FRMD4B: variants seen among roughly 807,000 people sequenced by gnomAD.
FRMD4B encodes the protein FERM domain-containing protein 4B.
FRMD4B carries 74 observed loss-of-function variants against 141.5 expected under a neutral mutation model. The observed-to-expected ratio is 0.52, with a 90% confidence interval of 0.43 to 0.63. The LOEUF (loss-of-function observed/expected upper bound fraction) is 0.63, where lower values mean the gene tolerates loss of function less well. Ranked by LOEUF, FRMD4B falls within the 30% of genes least tolerant of loss-of-function variation. The pLI, the probability that FRMD4B is intolerant of heterozygous loss-of-function variation, is 0.00. For missense variants in FRMD4B, 1,366 were observed against 1,253.4 expected, an observed-to-expected ratio of 1.09 and a Z score of -1.36; for synonymous variants, 506 against 467.9, an observed-to-expected ratio of 1.08 and a Z score of -1.05.
intron 3 of FRMD4B, among the ~76,000 whole-genome samples, chr3:69,307,309 G>C (rs1383273185): frequency 1.3e-5 from 2 of 152,088 alleles, no homozygotes; most frequent in Non-Finnish European, 2.9e-5. Flanking sequence ...CAACAAGAAG[G>C]GTGGCCCAAA....
intron 1 of FRMD4B, among the ~76,000 whole-genome samples, chr3:69,326,439 G>A (rs1702195086): frequency 6.6e-6 from 1 of 152,196 alleles, no homozygotes; most frequent in Non-Finnish European, 1.5e-5. Context: ...CAAATCTGGG[G>A]AAGGAAGGTG....
chr3:69,519,216 C>G (rs1700815052), intron 1 of FRMD4B, among the ~76,000 whole-genome samples: 1 of 152,114 alleles, frequency 6.6e-6, no homozygotes, highest in Non-Finnish European at 1.5e-5. Flanking sequence ...TAAAGGCAAG[C>G]CATTAGACAA....
chr3:69,286,400 T>C (rs11715461), intron 5 of FRMD4B, among the ~76,000 whole-genome samples: 31,006 of 152,142 alleles, frequency 0.2, 3,396 homozygotes, highest in Non-Finnish European at 0.25. Context: ...AGTATACTAC[T>C]GTAAGATTCT....
intron 5 of FRMD4B, among the ~76,000 whole-genome samples, chr3:69,254,282 T>C (rs891197571): frequency 4.6e-5 from 7 of 151,920 alleles, no homozygotes; most frequent in Non-Finnish European, 1.0e-4. Flanking sequence ...TTTTTGTATT[T>C]TTTTTTAGTA....
intron 5 of FRMD4B, among the ~76,000 whole-genome samples, chr3:69,262,259 G>C (rs1463288197): frequency 6.6e-6 from 1 of 152,036 alleles, no homozygotes. Flanking sequence ...GAACCACCAT[G>C]CCAGGCTTAT....
At position 69,250,079 on chromosome 3, in the gene FRMD4B, G is replaced by A. The variant is rs760964747; in HGVS notation, c.522C>T (p.Ser174=). 3.7e-6 allele frequency: 6 copies of A among 1,610,368 alleles called. No individual in the cohort carries two copies. The highest frequency in any genetic ancestry group is 3.3e-5 in the South Asian group (3 of 91,020). ...CVHKGQIEVE[S]ETIFKLAAFI... is the part of the protein sequence containing the mutation. ...ACGCTGCTAACTTGAAGATGGTTTC[G>A]CTCTCTACTTCGATTTGCCCCTGTT... Residue 174 remains serine, a synonymous_variant, in exon 6 of 23, where the codon AGC becomes AGT. Transcript: ENST00000398540.
chr3:69,264,339 C>T (rs2093547308), intron 5 of FRMD4B, among the ~76,000 whole-genome samples: 1 of 152,148 alleles, frequency 6.6e-6, no homozygotes, highest in South Asian at 2.1e-4. Context: ...AGCTAGAACA[C>T]TCCCTGGCAC....
At chr3:69,313,373 C>G (rs1318370634) in intron 2 of FRMD4B, 79 bp downstream of exon 2, 4 of 870,864 alleles carry the variant, frequency 4.6e-6, no homozygotes, top group Non-Finnish European at 7.6e-6. Context: ...GAGAGGGAAC[C>G]AGGATGAGCT....
intron 1 of FRMD4B, among the ~76,000 whole-genome samples, chr3:69,338,585 G>A (rs1007500735): frequency 3.2e-4 from 48 of 152,272 alleles, no homozygotes; most frequent in Non-Finnish European, 7.3e-5. Context: ...TAAAGGCACA[G>A]AAACCCAAAC....
intron 19 of FRMD4B, among the ~76,000 whole-genome samples, chr3:69,183,106 A>G (rs956232119): frequency 1.3e-5 from 2 of 152,166 alleles, no homozygotes; most frequent in Non-Finnish European, 2.9e-5. Context: ...ACAGTCTAGA[A>G]TACTAAATAG....
At chr3:69,469,109 C>T (rs941303033) in intron 1 of FRMD4B, among the ~76,000 whole-genome samples, 5 of 152,190 alleles carry the variant, frequency 3.3e-5, no homozygotes, top group African/African-American at 1.2e-4. Flanking sequence ...ATTAATCTCA[C>T]ACATCTCACT....
At chr3:69,454,018 T>C (rs1438735192) in intron 1 of FRMD4B, among the ~76,000 whole-genome samples, 1 of 152,108 alleles carries the variant, frequency 6.6e-6, no homozygotes, top group African/African-American at 2.4e-5. Context: ...CATGTTTGCC[T>C]CCTCCTCAGG....
chr3:69,270,846 G>A (rs1019258739), intron 5 of FRMD4B, among the ~76,000 whole-genome samples: 1 of 152,084 alleles, frequency 6.6e-6, no homozygotes, highest in Non-Finnish European at 1.5e-5. Context: ...TTACAGGTGT[G>A]AGCCACCGTG....
Position 69,221,867 on chromosome 3 carries a change from G to T in FRMD4B, c.722C>A (p.Ala241Asp). 1 of 1,535,558 alleles carries T rather than the reference G, an allele frequency of 6.5e-7. No individual in the cohort carries two copies. Among genetic ancestry groups the T allele is most frequent in the South Asian group, 1.2e-5 (1 of 86,850 alleles). ...AAGGAAAGATACTTACTGAACCACA[G>T]CTTGACCTCGAGTGAGACCTTTGAT... ...LKIKGLTRGQ[A>D]VVQYMKIVEA... is the part of the protein sequence containing the mutation. The change falls in exon 9 of 23, where the codon GCT (alanine) becomes GAT (aspartate). Residue 241 changes from alanine (A) to aspartate (D), a missense_variant. Transcript: ENST00000398540.
rs1055018943 is a variant in FRMD4B, at chr3:69,182,775, A to G, written c.1920-58T>C. Reference sequence around the variant, plus strand: ...ATGAGTCTCTCAACATCTCTGGCAAACTTGTCATAAGCAGATACAAAACTT... The same window carrying G: ...ATGAGTCTCTCAACATCTCTGGCAAGCTTGTCATAAGCAGATACAAAACTT... On this transcript the variant is annotated intron_variant, in intron 19 of 22. Coordinates refer to ENST00000398540, the MANE Select transcript of FRMD4B (RefSeq NM_015123.3). 17 of 1,562,128 alleles carry G rather than the reference A, an allele frequency of 1.1e-5. No homozygotes were observed. The African/African-American group carries it at 2.3e-4, about 21-fold the overall frequency.
intron 5 of FRMD4B, among the ~76,000 whole-genome samples, chr3:69,284,830 C>T (rs1364473168): frequency 6.6e-6 from 1 of 152,072 alleles, no homozygotes; most frequent in African/African-American, 2.4e-5. Flanking sequence ...TAGTCACATG[C>T]AAGATGTAAA....
chr3:69,517,560 C>T (rs1700783276), intron 1 of FRMD4B, among the ~76,000 whole-genome samples: 1 of 152,156 alleles, frequency 6.6e-6, no homozygotes, highest in Admixed American at 6.5e-5. Flanking sequence ...TCAAAGGCTT[C>T]ATGTGTAAGC....
intron 1 of FRMD4B, among the ~76,000 whole-genome samples, chr3:69,323,634 AT>A (rs1702089986): frequency 3.8e-5 from 3 of 78,252 alleles, no homozygotes; most frequent in African/African-American, 1.2e-4. Context: ...ATATATATAT[AT>A]ATATATATAT....
chr3:69,196,535 C>G (rs2092906597), intron 13 of FRMD4B, 139 bp from the exon 14 acceptor site: 1 of 398,412 alleles, frequency 2.5e-6, no homozygotes, highest in Admixed American at 7.6e-5. Context: ...ATTCTTCAGA[C>G]CAAAAAACAA....
Sources: allele counts gnomAD v4.1 joint callset (sites outside exome capture counted in the v4.1 genomes callset), GRCh38; gene constraint gnomAD v4.1.1; transcripts MANE v1.5; gene names NCBI Gene and HGNC (gene_info 2026-07-23, HGNC 2026-07-21).